AGBL1: variants seen among roughly 807,000 people sequenced by gnomAD.
AGBL1 encodes cytosolic carboxypeptidase 4.
AGBL1 carries 130 observed loss-of-function variants against 118.9 expected under a neutral mutation model. That is an observed-to-expected ratio of 1.09 (90% CI 0.95 to 1.26). The LOEUF is 1.26. Among genes scored for constraint, AGBL1 ranks in the 50% most tolerant of loss-of-function variants. The pLI is 0.00. For missense variants in AGBL1, 1,584 were observed against 1,298.1 expected (o/e 1.22, Z -3.38); for synonymous variants, 555 against 478.9 (o/e 1.16, Z -2.08).
rs2084871619 is a variant in AGBL1 at position 86,625,388 on chromosome 15, T to TTTTTTTTC, written c.2995-48878_2995-48877insCTTTTTTT. ...GCGTTTTTTTTTTTTTGTTTTTGTT[T>TTTTTTTTC]TTTTTTTTTTTTACAAACACAGAAA... On this transcript the variant is annotated intron_variant, in intron 21 of 22. Coordinates refer to ENST00000614907, the MANE Select transcript of AGBL1 (RefSeq NM_001386094.1). Among the ~76,000 whole-genome samples, 2 of 96,876 alleles carry TTTTTTTTC rather than the reference T, an allele frequency of 2.1e-5. 1 individual carries two copies. Among genetic ancestry groups the TTTTTTTTC allele is most frequent in the Non-Finnish European group, 4.3e-5 (2 of 46,332 alleles). The allele number at this position is 96,876 out of a possible 152,430, so 63.6% of individuals were successfully genotyped here.
At chr15:86,726,922 A>AGT (rs1428760178) in intron 22 of AGBL1, among the ~76,000 whole-genome samples, 1 of 152,212 alleles carries the variant, frequency 6.6e-6, no homozygotes, top group African/African-American at 2.4e-5. Context: ...TGACAAGGCT[A>AGT]CAATGAATGG....
At chr15:86,125,390 C>T (rs1490464957) in intron 1 of AGBL1, among the ~76,000 whole-genome samples, 2 of 152,172 alleles carry the variant, frequency 1.3e-5, no homozygotes, top group African/African-American at 4.8e-5. Flanking sequence ...TTCTCATTCA[C>T]TGAATTCAGT....
chr15:86,194,009 G>C (rs899820564), intron 5 of AGBL1, among the ~76,000 whole-genome samples: 6 of 152,184 alleles, frequency 3.9e-5, no homozygotes, highest in Non-Finnish European at 7.4e-5. Flanking sequence ...TCTTTGTAGA[G>C]TCATACATTC....
intron 9 of AGBL1, among the ~76,000 whole-genome samples, chr15:86,260,527 C>CTTCCT (rs1381895425): frequency 1.3e-5 from 2 of 152,122 alleles, no homozygotes; most frequent in Non-Finnish European, 2.9e-5. Flanking sequence ...TTCCTTCTTC[C>CTTCCT]TTCCTTTCCT....
intron 22 of AGBL1, among the ~76,000 whole-genome samples, chr15:86,868,237 T>C (rs904868324): frequency 2.0e-5 from 3 of 152,166 alleles, no homozygotes; most frequent in African/African-American, 7.2e-5. Context: ...GAAGATGATT[T>C]GGTTTAATGG....
At chr15:86,442,549 A>G (rs935475284) in intron 18 of AGBL1, among the ~76,000 whole-genome samples, 2 of 152,210 alleles carry the variant, frequency 1.3e-5, no homozygotes, top group Non-Finnish European at 2.9e-5. Context: ...ATAAAAGATC[A>G]TTTTAGATCT....
At chr15:86,576,628 G>A (rs2084096011) in intron 21 of AGBL1, among the ~76,000 whole-genome samples, 1 of 152,160 alleles carries the variant, frequency 6.6e-6, no homozygotes, top group Non-Finnish European at 1.5e-5. Context: ...ACCTAAGGAG[G>A]CAGTGATATA....
intron 19 of AGBL1, among the ~76,000 whole-genome samples, chr15:86,526,260 C>T (rs1216834752): frequency 6.6e-6 from 1 of 151,872 alleles, no homozygotes; most frequent in Non-Finnish European, 1.5e-5. Flanking sequence ...TATACACTAC[C>T]AATGGGAATG....
At chr15:86,094,301 G>A (rs1303652176) in intron 1 of AGBL1, among the ~76,000 whole-genome samples, 8 of 151,954 alleles carry the variant, frequency 5.3e-5, no homozygotes, top group Non-Finnish European at 1.2e-4. Context: ...AGCAGCCTTT[G>A]GCATTGAGTT....
chr15:86,972,367 GA>G (rs1341459474), intron 23 of AGBL1, among the ~76,000 whole-genome samples: 56 of 152,046 alleles, frequency 3.7e-4, no homozygotes, highest in African/African-American at 1.3e-3. Flanking sequence ...TAGGTCTGAG[GA>G]AATAGTGGCA....
chr15:86,879,390 C>T (rs761100119), intron 22 of AGBL1, among the ~76,000 whole-genome samples: 1 of 152,108 alleles, frequency 6.6e-6, no homozygotes. Flanking sequence ...AAAGAACTTA[C>T]CTGCTGAGTG....
intron 21 of AGBL1, among the ~76,000 whole-genome samples, chr15:86,665,508 G>A (rs1054384677): frequency 6.6e-6 from 1 of 152,050 alleles, no homozygotes; most frequent in Non-Finnish European, 1.5e-5. Context: ...TTATATCAAA[G>A]CAAATTAACA....
At chr15:86,632,908 A>G (rs2085000015) in intron 21 of AGBL1, among the ~76,000 whole-genome samples, 1 of 152,222 alleles carries the variant, frequency 6.6e-6, no homozygotes, top group Non-Finnish European at 1.5e-5. Context: ...AACTAACCAT[A>G]CTTGATTCAC....
chr15:86,731,610 A>G (rs557113694), intron 22 of AGBL1, among the ~76,000 whole-genome samples: 25 of 152,212 alleles, frequency 1.6e-4, no homozygotes, highest in African/African-American at 5.3e-4. Context: ...CACTTCTGTA[A>G]TGCTGGCAGA....
chr15:86,950,952 A>G (rs971667494), intron 23 of AGBL1, among the ~76,000 whole-genome samples: 3 of 152,190 alleles, frequency 2.0e-5, no homozygotes, highest in Admixed American at 1.3e-4. Context: ...AGAGTGAGAT[A>G]AACGAAGTGT....
chr15:86,279,705 C>A lies in AGBL1; in HGVS notation c.2142C>A (p.Thr714=). ...GASGKCYYTL[T]FAVTFPHSED... is the part of the protein sequence containing the mutation. ...CTGGGAAGTGCTACTATACCCTCAC[C>A]TTTGCTGTCACCTTCCCACACAGTG... The change falls in exon 16 of 23, where the codon ACC becomes ACA. Residue 714 remains threonine (T), a synonymous_variant. Coordinates refer to ENST00000614907, the MANE Select transcript of AGBL1 (RefSeq NM_001386094.1). 2 of 1,613,468 alleles carry A rather than the reference C, an allele frequency of 1.2e-6. No individual in the cohort carries two copies. The highest frequency in any genetic ancestry group is 2.2e-5 in the South Asian group (2 of 91,070).
intron 22 of AGBL1, among the ~76,000 whole-genome samples, chr15:86,904,753 T>C (rs1296892968): frequency 1.3e-5 from 2 of 150,808 alleles, no homozygotes; most frequent in Non-Finnish European, 3.0e-5. Context: ...AATTGTGGTA[T>C]AATCCATATA....
intron 1 of AGBL1, 164 bp downstream of exon 1, chr15:86,080,187 G>C: frequency 2.4e-6 from 1 of 422,648 alleles, no homozygotes; most frequent in East Asian, 3.6e-5. Context: ...CCTAAGTGAT[G>C]CTATGGAATT....
intron 17 of AGBL1, among the ~76,000 whole-genome samples, chr15:86,314,098 T>C (rs1427760780): frequency 2.0e-5 from 3 of 152,214 alleles, no homozygotes; most frequent in Non-Finnish European, 4.4e-5. Context: ...ATTCCTGCTC[T>C]CCCTCCTGGT....
Sources: allele counts gnomAD v4.1 joint callset (sites outside exome capture counted in the v4.1 genomes callset), GRCh38; gene constraint gnomAD v4.1.1; transcripts MANE v1.5; gene names NCBI Gene and HGNC (gene_info 2026-07-23, HGNC 2026-07-21).